The following ZBTB16 variants were observed in gnomAD, a reference collection of about 807,000 sequenced individuals.
The protein encoded by ZBTB16 is zinc finger and BTB domain containing 16, also known as zinc finger and BTB domain-containing protein 16.
ZBTB16 carries 8 observed loss-of-function variants against 56.8 expected under a neutral mutation model. The observed-to-expected ratio is 0.14, with a 90% CI of 0.08 to 0.25. ZBTB16 has a LOEUF of 0.25. ZBTB16 is among the 10% of genes least tolerant of loss of function. ZBTB16 has a pLI of 1.00. For synonymous variants in ZBTB16, 363 were observed against 368.5 expected (o/e 0.98, Z 0.17); for missense variants, 625 against 903.0 (o/e 0.69, Z 3.95).
chr11:114,073,974 G>T (rs1232649243), intron 2 of ZBTB16, among the ~76,000 whole-genome samples: 1 of 152,224 alleles, frequency 6.6e-6, no homozygotes, highest in East Asian at 1.9e-4. Context: ...ACTGACGTCT[G>T]ATGGACTTGG....
chr11:114,085,219 C>T (rs1379362402), intron 2 of ZBTB16, among the ~76,000 whole-genome samples: 2 of 152,204 alleles, frequency 1.3e-5, no homozygotes, highest in Admixed American at 1.3e-4. Context: ...TTCAATGAAA[C>T]TCTATTTATC....
At chr11:114,203,543 A>G (rs960799548) in intron 4 of ZBTB16, among the ~76,000 whole-genome samples, 1 of 151,962 alleles carries the variant, frequency 6.6e-6, no homozygotes, top group African/African-American at 2.4e-5. Context: ...ACAGAGCAAG[A>G]CCCTGCCTGT....
At chr11:114,092,404 G>C (rs1367260946) in intron 2 of ZBTB16, among the ~76,000 whole-genome samples, 1 of 152,156 alleles carries the variant, frequency 6.6e-6, no homozygotes, top group African/African-American at 2.4e-5. Context: ...TTGGGGCGGG[G>C]GCACACTGCC....
chr11:114,121,181 G>A (rs137996791), intron 2 of ZBTB16, among the ~76,000 whole-genome samples: 3 of 152,298 alleles, frequency 2.0e-5, no homozygotes, highest in East Asian at 1.9e-4. Flanking sequence ...TTTAATCCAG[G>A]TGAGAAACAC....
intron 3 of ZBTB16, among the ~76,000 whole-genome samples, chr11:114,166,442 C>A (rs1389414790): frequency 1.3e-5 from 2 of 151,986 alleles, no homozygotes; most frequent in Non-Finnish European, 2.9e-5. Flanking sequence ...ATCGGGGACA[C>A]AGTCCTAATC....
At chr11:114,177,497 G>T (rs376535014) in intron 3 of ZBTB16, among the ~76,000 whole-genome samples, 1 of 152,104 alleles carries the variant, frequency 6.6e-6, no homozygotes, top group Admixed American at 6.5e-5. Flanking sequence ...TGATCCGCCC[G>T]CCTCGGCCTG....
chr11:114,111,259 A>G (rs1940996579), intron 2 of ZBTB16, among the ~76,000 whole-genome samples: 1 of 152,016 alleles, frequency 6.6e-6, no homozygotes, highest in Non-Finnish European at 1.5e-5. Flanking sequence ...AGTGAACCTA[A>G]TTACACTGTA....
intron 6 of ZBTB16, among the ~76,000 whole-genome samples, chr11:114,248,893 G>C (rs541433391): frequency 9.2e-5 from 14 of 152,324 alleles, no homozygotes; most frequent in African/African-American, 3.4e-4. Context: ...TCGATAGTTA[G>C]ATCACTTTGG....
At chr11:114,105,532 G>C (rs143693005) in intron 2 of ZBTB16, among the ~76,000 whole-genome samples, 1 of 152,152 alleles carries the variant, frequency 6.6e-6, no homozygotes, top group Non-Finnish European at 1.5e-5. Flanking sequence ...GAGCCACCGC[G>C]CCCGACCCAA....
intron 2 of ZBTB16, among the ~76,000 whole-genome samples, chr11:114,070,530 T>A (rs1275990339): frequency 6.6e-6 from 1 of 152,234 alleles, no homozygotes; most frequent in Non-Finnish European, 1.5e-5. Context: ...TTGGAGCAAG[T>A]AAGTGACTTC....
At chr11:114,234,953 G>A (rs181574481) in intron 4 of ZBTB16, among the ~76,000 whole-genome samples, 3 of 152,056 alleles carry the variant, frequency 2.0e-5, no homozygotes, top group East Asian at 1.9e-4. Context: ...GTGTGGTCAC[G>A]AAGGTTGCCC....
intron 4 of ZBTB16, chr11:114,189,200 G>A (rs1943434622): frequency 6.6e-6 from 1 of 152,206 alleles, no homozygotes; most frequent in Admixed American, 6.5e-5. Flanking sequence ...GGAACTTATA[G>A]CTAGAAATAG....
chr11:114,065,499 C>T (rs1196530097), intron 2 of ZBTB16, among the ~76,000 whole-genome samples: 1 of 152,168 alleles, frequency 6.6e-6, no homozygotes, highest in East Asian at 1.9e-4. Context: ...TCACCGCAAC[C>T]TCTGCATCCC....
intron 2 of ZBTB16, among the ~76,000 whole-genome samples, chr11:114,101,968 G>T (rs1478886289): frequency 1.3e-5 from 2 of 152,232 alleles, no homozygotes; most frequent in Non-Finnish European, 2.9e-5. Context: ...TATGAAATTG[G>T]ATGTGGCTCT....
intron 1 of ZBTB16, among the ~76,000 whole-genome samples, chr11:114,061,040 C>T (rs959102599): frequency 1.6e-4 from 24 of 152,196 alleles, no homozygotes; most frequent in Non-Finnish European, 3.1e-4. Context: ...CGCTTTCCCT[C>T]GTCCCTAGCT....
rs552610100 is a variant in ZBTB16, at chr11:114,095,723, G to A, written c.1268+31155G>A. Among the ~76,000 whole-genome samples the A allele has an allele frequency of 2.0e-5, 3 of 152,306 alleles. No individual in the cohort carries two copies. In the South Asian group the frequency reaches 6.2e-4, roughly 32 times the overall value. On this transcript the variant is annotated intron_variant, in intron 2 of 6. Transcript: ENST00000335953. ...CAACTGCGAGGCTCAGGCCTAGGGGGTTAGGAGAGTAAACCCTAAATCCCT... is the reference window on the plus strand; with the variant it reads ...CAACTGCGAGGCTCAGGCCTAGGGGATTAGGAGAGTAAACCCTAAATCCCT...
intron 2 of ZBTB16, among the ~76,000 whole-genome samples, chr11:114,128,901 A>C (rs912852795): frequency 2.6e-5 from 4 of 152,198 alleles, no homozygotes; most frequent in Non-Finnish European, 4.4e-5. Flanking sequence ...TAGAGTCTCC[A>C]AGACCCCAAA....
chr11:114,149,276 T>C (rs1191617512), intron 2 of ZBTB16, among the ~76,000 whole-genome samples: 1 of 152,210 alleles, frequency 6.6e-6, no homozygotes, highest in Non-Finnish European at 1.5e-5. Flanking sequence ...CTCAGCCCGA[T>C]GTATATATAT....
rs754717364 is a variant in ZBTB16 at position 114,235,656 on chromosome 11, TTC to T, written c.1454-6509_1454-6508del. On this transcript the variant is annotated intron_variant, in intron 4 of 6. Coordinates refer to ENST00000335953, the MANE Select transcript of ZBTB16 (RefSeq NM_006006.6). ...TTTCTTTCTTTCTTTCTTTCTTTCT[TTC>T]TTTCTTTCTTTCTTTCTTTCTTTCT... Among the ~76,000 whole-genome samples, 164 of 23,874 alleles carry T rather than the reference TTC, an allele frequency of 6.9e-3. 2 individuals carry two copies. Among genetic ancestry groups the T allele is most frequent in the Non-Finnish European group, 0.014 (126 of 9,012 alleles). The allele number at this position is 23,874 out of a possible 152,430, so 15.7% of individuals were successfully genotyped here.
Sources: gnomAD v4.1 joint callset for allele counts (sites outside exome capture counted in the v4.1 genomes callset) on GRCh38, gnomAD v4.1.1 for gene constraint, MANE v1.5 for transcripts, NCBI Gene and HGNC (gene_info 2026-07-23, HGNC 2026-07-21) for gene names.